Variants in FGF1 observed in about 807,000 individuals in gnomAD.
The protein encoded by FGF1 is fibroblast growth factor 1.
In FGF1, 9 loss-of-function variants were observed where a neutral mutation model predicts 13.4. That is an observed-to-expected ratio of 0.67 (90% confidence interval 0.40 to 1.17). The LOEUF (loss-of-function observed/expected upper bound fraction) is 1.17. Among genes scored for constraint, FGF1 ranks in the 50% most tolerant of loss-of-function variants. FGF1 has a pLI of 0.01. For missense variants in FGF1, 156 were observed against 192.7 expected, an observed-to-expected ratio of 0.81 and a Z score of 1.13; for synonymous variants, 93 against 79.0, an observed-to-expected ratio of 1.18 and a Z score of -0.94.
intron 2 of FGF1, among the ~76,000 whole-genome samples, chr5:142,610,209 T>C (rs1758755645): frequency 6.6e-6 from 1 of 152,208 alleles, no homozygotes; most frequent in African/African-American, 2.4e-5. Flanking sequence ...CATAGATGTT[T>C]ATTGAATATA....
intron 3 of FGF1, among the ~76,000 whole-genome samples, chr5:142,596,813 A>G (rs1461367147): frequency 2.0e-5 from 3 of 152,192 alleles, no homozygotes; most frequent in African/African-American, 7.2e-5. Flanking sequence ...ACTTTGTAAA[A>G]AGAAAAAACT....
chr5:142,614,492 A>G (rs1759781550), intron 1 of FGF1, among the ~76,000 whole-genome samples: 1 of 152,170 alleles, frequency 6.6e-6, no homozygotes, highest in Non-Finnish European at 1.5e-5. Flanking sequence ...GTCCACACAC[A>G]TCCTCAAATT....
Position 142,595,228 on chromosome 5 carries a change from G to A in FGF1, c.*62C>T, listed in dbSNP as rs565260747. On this transcript the variant is annotated 3_prime_UTR_variant, in exon 4 of 4. Coordinates refer to ENST00000337706, the MANE Select transcript of FGF1 (RefSeq NM_000800.5). ...CCAATGGTCAAGGGAACATTTTTGG[G>A]TCAACCAGGTGAGGACCCCTCGAAA... is the stretch of plus-strand genomic sequence containing the variant. The A allele has an allele frequency of 2.3e-5, 34 of 1,451,258 alleles. No individual in the cohort carries two copies. The highest frequency in any genetic ancestry group is 3.1e-5 in the Non-Finnish European group (33 of 1,063,060). 89.9% of individuals were successfully genotyped at this position (1,451,258 alleles called of 1,614,324 possible). A position where few individuals can be genotyped will look rare whatever the true frequency, so the allele number is the denominator to read the frequency against.
chr5:142,645,231 G>A (rs1341440561), intron 1 of FGF1, among the ~76,000 whole-genome samples: 5 of 152,282 alleles, frequency 3.3e-5, no homozygotes, highest in East Asian at 1.9e-4. Context: ...CCCTGATGGC[G>A]GATGAGAACG....
At chr5:142,673,854 A>T (rs1771961783) in intron 1 of FGF1, among the ~76,000 whole-genome samples, 1 of 152,212 alleles carries the variant, frequency 6.6e-6, no homozygotes, top group South Asian at 2.1e-4. Context: ...CAACACGCCC[A>T]GTGACTTTCC....
chr5:142,614,563 AG>A (rs1396009246), intron 1 of FGF1, among the ~76,000 whole-genome samples: 1 of 152,226 alleles, frequency 6.6e-6, no homozygotes, highest in Non-Finnish European at 1.5e-5. Flanking sequence ...AAAAGCTGAG[AG>A]GCCAGGACCA....
chr5:142,679,630 C>T (rs371028884), intron 1 of FGF1, among the ~76,000 whole-genome samples: 10 of 152,304 alleles, frequency 6.6e-5, no homozygotes, highest in South Asian at 6.2e-4. Flanking sequence ...ATCCCCTCTC[C>T]CTTTCCTCTT....
At chr5:142,686,737 G>A (rs1314656618), upstream of FGF1, among the ~76,000 whole-genome samples, 2 of 152,140 alleles carry the variant, frequency 1.3e-5, no homozygotes, top group South Asian at 2.1e-4. Flanking sequence ...GGCATTTTAC[G>A]AAGTCAATCG....
At chr5:142,690,388 ACT>A, upstream of FGF1, among the ~76,000 whole-genome samples, 1 of 152,076 alleles carries the variant, frequency 6.6e-6, no homozygotes, top group South Asian at 2.1e-4. Context: ...TAAAACGAAC[ACT>A]CTGTGCACAT....
chr5:142,657,309 A>G (rs967526220), intron 1 of FGF1, among the ~76,000 whole-genome samples: 1 of 152,070 alleles, frequency 6.6e-6, no homozygotes, highest in Non-Finnish European at 1.5e-5. Flanking sequence ...TCAGCCCCCA[A>G]ACTTGCTAAG....
rs138110926 is a variant in FGF1, at chr5:142,614,108, G to A, written c.20C>T (p.Thr7Ile). 4.3e-6 allele frequency: 7 copies of A among 1,614,106 alleles called. No individual in the cohort carries two copies. Among genetic ancestry groups the A allele is most frequent in the Non-Finnish European group, 5.9e-6 (7 of 1,180,036 alleles). The change falls in exon 2 of 4, where the codon ACC becomes ATC. Residue 7 changes from threonine to isoleucine, a missense_variant. Physicochemically the swap from Thr to Ile is moderately conservative, Grantham distance 89. Coordinates refer to ENST00000337706, the MANE Select transcript of FGF1 (RefSeq NM_000800.5). MAEGEI[T>I]TFTALTEKFN... ...CTTCTCGGTCAGGGCTGTGAAGGTG[G>A]TGATTTCCCCTTCAGCCATGGCTCA...
intron 3 of FGF1, 112 bp downstream of exon 3, chr5:142,600,590 A>G: frequency 1.3e-6 from 1 of 768,148 alleles, no homozygotes; most frequent in South Asian, 1.5e-5. Flanking sequence ...TCTGGAAAAA[A>G]TAACAAACAG....
intron 1 of FGF1, among the ~76,000 whole-genome samples, chr5:142,667,534 T>C (rs1327938048): frequency 7.2e-6 from 1 of 139,688 alleles, no homozygotes; most frequent in Admixed American, 8.0e-5. Context: ...TGCAGTGAGC[T>C]GAGATCGGGC....
intron 1 of FGF1, among the ~76,000 whole-genome samples, chr5:142,634,856 G>C (rs1385447887): frequency 6.6e-6 from 1 of 151,656 alleles, no homozygotes; most frequent in East Asian, 1.9e-4. Flanking sequence ...TAGTTGCTTT[G>C]GTTATTGCTT....
At chr5:142,597,351 T>C (rs1001470435) in intron 3 of FGF1, among the ~76,000 whole-genome samples, 1 of 152,212 alleles carries the variant, frequency 6.6e-6, no homozygotes, top group African/African-American at 2.4e-5. Context: ...GTAACCTATA[T>C]GTCCATGGAA....
chr5:142,671,251 A>C (rs1309268070), intron 1 of FGF1, among the ~76,000 whole-genome samples: 2 of 152,234 alleles, frequency 1.3e-5, no homozygotes, highest in Non-Finnish European at 2.9e-5. Context: ...TGTATGTGTC[A>C]GTGGAGTGTC....
intron 2 of FGF1, 63 bp downstream of exon 2, chr5:142,613,896 C>T: frequency 6.4e-7 from 1 of 1,550,646 alleles, no homozygotes; most frequent in Non-Finnish European, 8.8e-7. Flanking sequence ...TGTGCACCTT[C>T]CTCCCACCTT....
rs181160275 is a variant in FGF1, at chr5:142,605,160, T to A, written c.170-4355A>T. On this transcript the variant is annotated intron_variant, in intron 2 of 3. Coordinates refer to ENST00000337706, the MANE Select transcript of FGF1 (RefSeq NM_000800.5). Reference sequence around the variant, plus strand: ...TCTCACTCTGTTGCCCAGGCTGGAGTGCTGTGGTGTGATCTCAGCTCACTG... The same window carrying A: ...TCTCACTCTGTTGCCCAGGCTGGAGAGCTGTGGTGTGATCTCAGCTCACTG... Among the ~76,000 whole-genome samples, 356 of 152,162 alleles carry A rather than the reference T, an allele frequency of 2.3e-3. 1 individual carries two copies. Among genetic ancestry groups the A allele is most frequent in the South Asian group, 2.5e-3 (12 of 4,812 alleles).
intron 1 of FGF1, among the ~76,000 whole-genome samples, chr5:142,646,668 G>GT (rs766709387): frequency 5.3e-5 from 8 of 151,238 alleles, no homozygotes; most frequent in Non-Finnish European, 7.4e-5. Context: ...ATTTTTTATA[G>GT]TTTTTAGTAG....
Sources: allele counts gnomAD v4.1 joint callset (sites outside exome capture counted in the v4.1 genomes callset), GRCh38; gene constraint gnomAD v4.1.1; transcripts MANE v1.5; gene names NCBI Gene and HGNC (gene_info 2026-07-23, HGNC 2026-07-21).